Variants in NCAM2 observed in about 807,000 individuals in gnomAD.
The protein encoded by NCAM2 is neural cell adhesion molecule 2, also known as N-CAM-2.
A neutral mutation model predicts 98.1 loss-of-function variants in NCAM2; 30 were observed. That is an observed-to-expected ratio of 0.31 (90% confidence interval 0.23 to 0.41). The LOEUF is 0.41. NCAM2 is among the 10% of genes least tolerant of loss of function. The pLI, the probability that NCAM2 is intolerant of heterozygous loss-of-function variation, is 1.00. For missense variants in NCAM2, 867 were observed against 1,005.8 expected (o/e 0.86, Z 1.87); for synonymous variants, 368 against 342.4 (o/e 1.07, Z -0.83).
At chr21:21,470,927 A>C (rs1984362221) in intron 14 of NCAM2, among the ~76,000 whole-genome samples, 1 of 151,992 alleles carries the variant, frequency 6.6e-6, no homozygotes, top group Non-Finnish European at 1.5e-5. Flanking sequence ...GTATTATGAG[A>C]TAGGCATTGC....
At chr21:21,343,350 T>TACACACAC (rs1254922171) in intron 8 of NCAM2, among the ~76,000 whole-genome samples, 7 of 78,094 alleles carry the variant, frequency 9.0e-5, no homozygotes, top group Non-Finnish European at 1.9e-4. Context: ...AACAACTATC[T>TACACACAC]ATACACATAC....
intron 1 of NCAM2, among the ~76,000 whole-genome samples, chr21:21,023,296 G>C (rs1022734898): frequency 3.3e-5 from 5 of 152,082 alleles, no homozygotes; most frequent in Non-Finnish European, 5.9e-5. Context: ...GGCCGAGGTG[G>C]ACAGATCACT....
chr21:21,063,667 TAAAGC>T (rs1175261256), intron 1 of NCAM2, among the ~76,000 whole-genome samples: 2 of 151,812 alleles, frequency 1.3e-5, no homozygotes, highest in African/African-American at 2.4e-5. Context: ...GAAGGAAAAA[TAAAGC>T]AAAACAAAAC....
intron 14 of NCAM2, 50 bp downstream of exon 14, chr21:21,468,833 T>TTGAG (rs753953982): frequency 3.4e-5 from 52 of 1,525,628 alleles, no homozygotes; most frequent in Non-Finnish European, 4.6e-5. Context: ...TCAAATTAAA[T>TTGAG]TGAGTTGCAC....
intron 15 of NCAM2, among the ~76,000 whole-genome samples, chr21:21,490,857 C>G (rs1986793461): frequency 6.6e-6 from 1 of 151,604 alleles, no homozygotes; most frequent in Non-Finnish European, 1.5e-5. Context: ...ATTTAAAACC[C>G]TCAACATAAT....
intron 1 of NCAM2, among the ~76,000 whole-genome samples, chr21:21,185,686 G>C (rs1167634275): frequency 6.6e-6 from 1 of 152,070 alleles, no homozygotes; most frequent in African/African-American, 2.4e-5. Context: ...ATTCATAGCA[G>C]CACTATTAAA....
At chr21:21,535,673 A>C (rs1400634414) in intron 17 of NCAM2, among the ~76,000 whole-genome samples, 1 of 152,150 alleles carries the variant, frequency 6.6e-6, no homozygotes, top group Non-Finnish European at 1.5e-5. Flanking sequence ...ATGTAAATTC[A>C]AATTAACTGT....
intron 1 of NCAM2, among the ~76,000 whole-genome samples, chr21:21,063,214 T>C (rs866864047): frequency 7.5e-5 from 8 of 106,638 alleles, no homozygotes; most frequent in African/African-American, 2.2e-4. Flanking sequence ...TACATTCTTT[T>C]TTTTTTTTTT....
intron 1 of NCAM2, among the ~76,000 whole-genome samples, chr21:21,089,881 C>T (rs2065976939): frequency 6.6e-6 from 1 of 152,142 alleles, no homozygotes; most frequent in Non-Finnish European, 1.5e-5. Flanking sequence ...AAAATGGCCA[C>T]TCTATTTACT....
intron 10 of NCAM2, among the ~76,000 whole-genome samples, chr21:21,414,903 G>A (rs1369354374): frequency 2.6e-5 from 4 of 151,912 alleles, no homozygotes; most frequent in East Asian, 3.9e-4. Context: ...AGAGCTCTTG[G>A]GTGACTAGGT....
In NCAM2 at chr21:21,284,029, A is replaced by T. The variant is rs371200391; in HGVS notation, c.131-165A>T. 4.6e-5 allele frequency among the ~76,000 whole-genome samples: 7 copies of T among 151,978 alleles called. No homozygotes were observed. In the South Asian group the frequency reaches 1.4e-3, roughly 31 times the overall value. Reference sequence around the variant, plus strand: ...TGGATAAACAAAGGTGAACATTTGCACTAACATTTGTGTTTACTTTAAGTT... The same window carrying T: ...TGGATAAACAAAGGTGAACATTTGCTCTAACATTTGTGTTTACTTTAAGTT... On this transcript the variant is annotated intron_variant, in intron 2 of 17. Coordinates refer to ENST00000400546, the MANE Select transcript of NCAM2 (RefSeq NM_004540.5).
At chr21:21,028,739 C>G (rs999897411) in intron 1 of NCAM2, among the ~76,000 whole-genome samples, 35 of 152,156 alleles carry the variant, frequency 2.3e-4, no homozygotes, top group African/African-American at 8.0e-4. Context: ...TATGATTTGT[C>G]TATTATATTC....
chr21:21,135,240 C>A (rs1433314300), intron 1 of NCAM2, among the ~76,000 whole-genome samples: 1 of 70,990 alleles, frequency 1.4e-5, no homozygotes. Flanking sequence ...AGTGAGACTC[C>A]ATCTCAAAAA....
At chr21:21,221,663 A>G (rs1485644981) in intron 1 of NCAM2, among the ~76,000 whole-genome samples, 2 of 152,202 alleles carry the variant, frequency 1.3e-5, no homozygotes, top group African/African-American at 2.4e-5. Context: ...GAGAAGAAAA[A>G]GTTTGAAACT....
chr21:21,117,455 C>T (rs1292849927), intron 1 of NCAM2, among the ~76,000 whole-genome samples: 1 of 151,964 alleles, frequency 6.6e-6, no homozygotes, highest in Non-Finnish European at 1.5e-5. Context: ...GCATTATGCA[C>T]AACAGCTAAA....
intron 12 of NCAM2, among the ~76,000 whole-genome samples, chr21:21,440,689 C>CA (rs201157202): frequency 0.043 from 4,365 of 101,942 alleles, 224 homozygotes; most frequent in African/African-American, 0.14. Flanking sequence ...ACAGCAACAA[C>CA]AAAAAAAAGA....
intron 8 of NCAM2, among the ~76,000 whole-genome samples, chr21:21,342,410 G>A (rs2075067173): frequency 6.6e-6 from 1 of 152,168 alleles, no homozygotes; most frequent in Non-Finnish European, 1.5e-5. Flanking sequence ...CAACTTTGCT[G>A]AGAAGCCAAC....
At chr21:21,356,085 T>C (rs566152813) in intron 8 of NCAM2, among the ~76,000 whole-genome samples, 28 of 152,318 alleles carry the variant, frequency 1.8e-4, no homozygotes, top group African/African-American at 6.5e-4. Flanking sequence ...ACTTAAAATA[T>C]TTTGCAGACT....
At chr21:21,269,258 T>TCA (rs2072406952) in intron 1 of NCAM2, among the ~76,000 whole-genome samples, 1 of 152,142 alleles carries the variant, frequency 6.6e-6, no homozygotes, top group Non-Finnish European at 1.5e-5. Flanking sequence ...TGCAACTGAT[T>TCA]GGAGGCCTGA....
Sources: gnomAD v4.1 joint callset for allele counts (sites outside exome capture counted in the v4.1 genomes callset) on GRCh38, gnomAD v4.1.1 for gene constraint, MANE v1.5 for transcripts, NCBI Gene and HGNC (gene_info 2026-07-23, HGNC 2026-07-21) for gene names.